Variants in RDH12 observed in about 807,000 individuals in gnomAD.
The protein encoded by RDH12 is all-trans and 9-cis retinol dehydrogenase.
Under a neutral mutation model 34.0 loss-of-function variants are expected in RDH12, and 21 were observed. The ratio of observed to expected loss-of-function variants is 0.62; its 90% CI spans 0.44 to 0.89. The LOEUF is 0.89. Ranked by LOEUF, RDH12 falls within the 40% of genes least tolerant of loss-of-function variation. The pLI is 0.00. For missense variants in RDH12, 394 were observed against 398.6 expected (o/e 0.99, Z 0.10); for synonymous variants, 198 against 169.9 (o/e 1.17, Z -1.29).
chr14:67,728,991 G>C (rs889459716), intron 7 of RDH12, among the ~76,000 whole-genome samples, 200 bp from the exon 8 acceptor site: 2 of 152,166 alleles, frequency 1.3e-5, no homozygotes, highest in African/African-American at 4.8e-5. Context: ...GAACATAGAA[G>C]GCTGAGAAGG....
intron 4 of RDH12, 129 bp downstream of exon 4, chr14:67,724,720 G>A: frequency 1.3e-6 from 1 of 763,524 alleles, no homozygotes; most frequent in Admixed American, 2.0e-5. Flanking sequence ...AAGGAACCTG[G>A]GATTCAAGTC....
At chr14:67,733,724 A>C in intron 8 of RDH12, 22 bp from the exon 9 acceptor site, 2 of 1,520,108 alleles carry the variant, frequency 1.3e-6, no homozygotes, top group Non-Finnish European at 1.8e-6. Flanking sequence ...CCTGGAATTT[A>C]CTGTCTTTCT....
chr14:67,713,265 C>CAA (rs113116028), intron 1 of RDH12, among the ~76,000 whole-genome samples: 1 of 150,818 alleles, frequency 6.6e-6, no homozygotes, highest in East Asian at 1.9e-4. Flanking sequence ...AACAAACAAA[C>CAA]AAAAAACAAA....
intron 3 of RDH12, among the ~76,000 whole-genome samples, chr14:67,723,753 T>C (rs1452672091): frequency 5.9e-5 from 9 of 152,222 alleles, no homozygotes; most frequent in Non-Finnish European, 1.3e-4. Flanking sequence ...AGACTAGTAA[T>C]TGGCAGTCAG....
At chr14:67,710,189 A>G (rs2037995178) in intron 1 of RDH12, among the ~76,000 whole-genome samples, 1 of 152,204 alleles carries the variant, frequency 6.6e-6, no homozygotes, top group Non-Finnish European at 1.5e-5. Context: ...CTTTGGGTAC[A>G]TGTCATCAGG....
intron 7 of RDH12, chr14:67,727,827 C>T (rs1267939491): frequency 2.6e-5 from 4 of 155,284 alleles, no homozygotes; most frequent in African/African-American, 7.2e-5. Context: ...CAGGTGAGGG[C>T]ATCAGAACCG....
intron 8 of RDH12, chr14:67,729,767 C>A: frequency 2.0e-6 from 1 of 503,454 alleles, no homozygotes; most frequent in Non-Finnish European, 3.9e-6. Flanking sequence ...AGGGGAACGT[C>A]CTCTCTCTTC....
chr14:67,725,268 G>A lies in RDH12; in HGVS notation c.343+14G>A, dbSNP rs765080696. On this transcript the variant is annotated intron_variant, in intron 5 of 8. Coordinates refer to ENST00000551171, the MANE Select transcript of RDH12 (RefSeq NM_152443.3). ...GCTTTCTGGCAGGTGAGGTCCTGAT[G>A]GGTAGGTAGAAAAGCAGGAAATTGG... is the stretch of plus-strand genomic sequence containing the variant. 6 of 1,612,330 alleles carry A rather than the reference G, an allele frequency of 3.7e-6. No individual in the cohort carries two copies. Among genetic ancestry groups the A allele is most frequent in the African/African-American group, 1.3e-5 (1 of 74,846 alleles).
chr14:67,714,128 T>G (rs776875319), intron 1 of RDH12, among the ~76,000 whole-genome samples: 39 of 152,196 alleles, frequency 2.6e-4, no homozygotes, highest in Non-Finnish European at 2.9e-5. Flanking sequence ...ACTTTTTTCT[T>G]GTAATTAACT....
chr14:67,718,252 C>G (rs980009870), intron 1 of RDH12, among the ~76,000 whole-genome samples: 1 of 152,160 alleles, frequency 6.6e-6, no homozygotes, highest in African/African-American at 2.4e-5. Flanking sequence ...CATCTCCCAC[C>G]TGTCTCATCT....
intron 6 of RDH12, 76 bp from the exon 7 acceptor site, chr14:67,726,905 A>G: frequency 7.6e-7 from 1 of 1,308,566 alleles, no homozygotes; most frequent in Non-Finnish European, 1.1e-6. Context: ...GCTAACACTG[A>G]AGTCCTCTTG....
rs764990788 is a variant in RDH12, at chr14:67,725,192, T to C, written c.281T>C (p.Val94Ala). ...GATACAAAGAACTCCCAGGTGCTGGTGCGGAAATTGGACCTATCCGACACC... is the reference window on the plus strand; with the variant it reads ...GATACAAAGAACTCCCAGGTGCTGGCGCGGAAATTGGACCTATCCGACACC... ...RVDTKNSQVL[V>A]RKLDLSDTKS... The change falls in exon 5 of 9, where the codon GTG becomes GCG. Residue 94 changes from valine to alanine, a missense_variant. Coordinates refer to ENST00000551171, the MANE Select transcript of RDH12 (RefSeq NM_152443.3). 6.2e-6 allele frequency: 10 copies of C among 1,613,972 alleles called. No homozygotes were observed. Among genetic ancestry groups the C allele is most frequent in the East Asian group, 2.2e-5 (1 of 44,900 alleles).
chr14:67,714,766 GA>G (rs1465347494), intron 1 of RDH12: 15 of 152,250 alleles, frequency 9.9e-5, no homozygotes, highest in African/African-American at 3.6e-4. Context: ...AGGGATTTTT[GA>G]AATTAAATGT....
chr14:67,726,491 A>C (rs1355024507), intron 6 of RDH12, among the ~76,000 whole-genome samples: 1 of 152,246 alleles, frequency 6.6e-6, no homozygotes, highest in Non-Finnish European at 1.5e-5. Context: ...GGTCACATCT[A>C]CATGATGGCC....
At chr14:67,722,803 G>A in intron 3 of RDH12, 93 bp downstream of exon 3, 1 of 1,068,548 alleles carries the variant, frequency 9.4e-7, no homozygotes, top group Non-Finnish European at 1.5e-6. Context: ...AGGGAAGGAG[G>A]CTGACAGAGG....
intron 4 of RDH12, 23 bp downstream of exon 4, chr14:67,724,614 C>T (rs1328225531): frequency 6.5e-7 from 1 of 1,537,706 alleles, no homozygotes. Flanking sequence ...CCTTTAGTCT[C>T]CAAAGGGCCA....
chr14:67,715,206 A>C (rs371286858), intron 1 of RDH12: 16,106 of 108,334 alleles, frequency 0.15, 964 homozygotes, highest in Middle Eastern at 0.27. Flanking sequence ...TCATAGCATA[A>C]TAGCCGTTAA....
intron 1 of RDH12, among the ~76,000 whole-genome samples, 189 bp downstream of exon 1, chr14:67,702,124 A>C (rs2037906399): frequency 6.6e-6 from 1 of 151,784 alleles, no homozygotes; most frequent in Non-Finnish European, 1.5e-5. Flanking sequence ...GCTTTTTTAA[A>C]AATTTAATAT....
intron 1 of RDH12, among the ~76,000 whole-genome samples, chr14:67,705,172 A>G (rs2037938242): frequency 6.6e-6 from 1 of 152,228 alleles, no homozygotes; most frequent in Non-Finnish European, 1.5e-5. Context: ...GAATGATTTT[A>G]TAAGAAAGTT....
Sources: gnomAD v4.1 joint callset for allele counts (sites outside exome capture counted in the v4.1 genomes callset) on GRCh38, gnomAD v4.1.1 for gene constraint, MANE v1.5 for transcripts, NCBI Gene and HGNC (gene_info 2026-07-23, HGNC 2026-07-21) for gene names.